Variants in PKD1L1 observed in about 807,000 individuals in gnomAD.
The protein encoded by PKD1L1 is polycystin 1 like 1, transient receptor potential channel interacting.
A neutral mutation model predicts 323.4 loss-of-function variants in PKD1L1; 236 were observed. That is an observed-to-expected ratio of 0.73 (90% CI 0.66 to 0.81). PKD1L1 has a LOEUF of 0.81. Among genes scored for constraint, PKD1L1 ranks in the 40% least tolerant of loss-of-function variants. PKD1L1 has a pLI of 0.00. For synonymous variants in PKD1L1, 1,344 were observed against 1,335.0 expected (o/e 1.01, Z -0.15); for missense variants, 3,320 against 3,508.0 (o/e 0.95, Z 1.35).
At chr7:47,913,101 G>C (rs1425616774) in intron 8 of PKD1L1, among the ~76,000 whole-genome samples, 1 of 152,064 alleles carries the variant, frequency 6.6e-6, no homozygotes, top group Non-Finnish European at 1.5e-5. Flanking sequence ...TTACAGGAGA[G>C]AACAGAATGG....
intron 7 of PKD1L1, among the ~76,000 whole-genome samples, chr7:47,921,536 GATCC>G (rs1422127430): frequency 6.6e-6 from 1 of 152,068 alleles, no homozygotes; most frequent in Non-Finnish European, 1.5e-5. Context: ...ACTGGATATC[GATCC>G]ATTGGAAAAT....
chr7:47,863,607 C>T (rs1037005268), intron 26 of PKD1L1, among the ~76,000 whole-genome samples: 7 of 152,072 alleles, frequency 4.6e-5, no homozygotes, highest in Admixed American at 1.3e-4. Context: ...AGAAGGTCCC[C>T]GGCAGGGAGA....
chr7:47,797,271 G>T (rs1345741415), intron 54 of PKD1L1, among the ~76,000 whole-genome samples: 1 of 152,136 alleles, frequency 6.6e-6, no homozygotes, highest in Non-Finnish European at 1.5e-5. Flanking sequence ...TGGCCCCTAC[G>T]CTGTAAACCT....
Position 47,865,287 on chromosome 7 carries a change from C to T in PKD1L1, c.4093-15G>A, listed in dbSNP as rs1786138598. ...ATCATTTCTTCCTGACCAGAAGAAA[C>T]AACAATAAAACAAAAAGAAAATGCA... On this transcript the variant is annotated splice_polypyrimidine_tract_variant and intron_variant, in intron 25 of 56. Transcript: ENST00000289672. 6.2e-7 allele frequency: 1 copy of T among 1,608,058 alleles called. No individual in the cohort carries two copies. Among genetic ancestry groups the T allele is most frequent in the African/African-American group, 1.3e-5 (1 of 74,634 alleles).
chr7:47,873,668 AAAAG>A (rs1205874278), intron 24 of PKD1L1, among the ~76,000 whole-genome samples: 3 of 145,356 alleles, frequency 2.1e-5, no homozygotes, highest in Non-Finnish European at 3.0e-5. Context: ...AAAAAAAAAA[AAAAG>A]AAGGAGAAGA....
In PKD1L1 at chr7:47,884,648, G is replaced by A; in HGVS notation, c.3215C>T (p.Ala1072Val). Residue 1072 changes from alanine (A) to valine (V), a missense_variant, in exon 19 of 57, where the codon GCC becomes GTC. Physicochemically the swap from Ala to Val is moderately conservative, Grantham distance 64 (BLOSUM62 0). Transcript: ENST00000289672. Reference sequence around the variant, plus strand: ...TGCTTCTTGAATGTCACTGTAATAGGCTTCAAAATCTATAAGAAAGGACAA... The same window carrying A: ...TGCTTCTTGAATGTCACTGTAATAGACTTCAAAATCTATAAGAAAGGACAA... ...SPDPHLSDFE[A>V]YYSDIQEAIP... The A allele has an allele frequency of 2.5e-6, 4 of 1,613,298 alleles. No individual in the cohort carries two copies. The South Asian group carries it at 3.3e-5, about 13-fold the overall frequency.
chr7:47,818,102 G>A (rs1232957734), intron 46 of PKD1L1: 1 of 1,367,812 alleles, frequency 7.3e-7, no homozygotes, highest in Non-Finnish European at 9.8e-7. Flanking sequence ...AGAGCAAATT[G>A]GAGGCCTGCC....
In PKD1L1 at chr7:47,871,639, C is replaced by T. The variant is rs141669539; in HGVS notation, c.3896+2260G>A. 1.1e-3 allele frequency among the ~76,000 whole-genome samples: 174 copies of T among 152,226 alleles called. 2 individuals carry two copies. Among genetic ancestry groups the T allele is most frequent in the African/African-American group, 3.8e-3 (157 of 41,546 alleles). On this transcript the variant is annotated intron_variant, in intron 24 of 56. Coordinates refer to ENST00000289672, the MANE Select transcript of PKD1L1 (RefSeq NM_138295.5). ...TTAGAGAGGACACAAACATCCAAAA[C>T]GTAACAAATTAATGGACTAAGGGAC...
intron 8 of PKD1L1, among the ~76,000 whole-genome samples, chr7:47,911,150 G>A (rs1056036950): frequency 6.6e-6 from 1 of 152,192 alleles, no homozygotes; most frequent in Non-Finnish European, 1.5e-5. Context: ...GAATGGTTTA[G>A]TACCATCCTT....
chr7:47,850,632 CAA>C (rs58437908), intron 31 of PKD1L1, among the ~76,000 whole-genome samples: 2 of 75,792 alleles, frequency 2.6e-5, no homozygotes, highest in Non-Finnish European at 4.8e-5. Flanking sequence ...GACTCTGTCT[CAA>C]AAAAAAAAAA....
chr7:47,912,136 TTGAGGAATCGTTATCTTC>T (rs1787335286), intron 8 of PKD1L1, among the ~76,000 whole-genome samples: 1 of 152,042 alleles, frequency 6.6e-6, no homozygotes, highest in Non-Finnish European at 1.5e-5. Flanking sequence ...ACTGAACAAC[TTGAGGAATCGTTATCTTC>T]TGAGATGGAA....
chr7:47,864,032 C>T (rs1462025767), intron 26 of PKD1L1, among the ~76,000 whole-genome samples: 2 of 151,982 alleles, frequency 1.3e-5, no homozygotes, highest in African/African-American at 4.8e-5. Context: ...TAAGCATGTG[C>T]AGGATCATTC....
rs61610551 is a variant in PKD1L1, at chr7:47,874,805, G to A, written c.3785-795C>T. 8.8e-3 allele frequency among the ~76,000 whole-genome samples: 1,337 copies of A among 152,294 alleles called. 19 individuals are homozygous for A. Among genetic ancestry groups the A allele is most frequent in the African/African-American group, 0.03 (1,249 of 41,540 alleles). ...CTCACTCATGCAAAAGATGGGACAAGAAAAGGTATGTATTAAGTATTTACT... is the reference window on the plus strand; with the variant it reads ...CTCACTCATGCAAAAGATGGGACAAAAAAAGGTATGTATTAAGTATTTACT... On this transcript the variant is annotated intron_variant, in intron 23 of 56. Transcript: ENST00000289672.
At chr7:47,885,560 T>G in intron 18 of PKD1L1, 126 bp downstream of exon 18, 1 of 1,305,346 alleles carries the variant, frequency 7.7e-7, no homozygotes, top group Non-Finnish European at 1.0e-6. Flanking sequence ...GGTGTGAACC[T>G]GGCGCTTTCT....
intron 24 of PKD1L1, among the ~76,000 whole-genome samples, 192 bp from the exon 25 acceptor site, chr7:47,866,806 A>G (rs1246688285): frequency 6.6e-6 from 1 of 152,140 alleles, no homozygotes; most frequent in Non-Finnish European, 1.5e-5. Flanking sequence ...CATAATATAA[A>G]ATTTTACAAA....
At position 47,902,520 on chromosome 7, in the gene PKD1L1, G is replaced by A. The variant is rs1179487766; in HGVS notation, c.1932-9C>T. On this transcript the variant is annotated splice_polypyrimidine_tract_variant and intron_variant, in intron 12 of 56. Coordinates refer to ENST00000289672, the MANE Select transcript of PKD1L1 (RefSeq NM_138295.5). ...CTGTAAATTCTCCTTCCCTGGGACG[G>A]TGGAAAGCACAGAAATGAACAAATT... 6.2e-6 allele frequency: 10 copies of A among 1,613,218 alleles called. No homozygotes were observed. The South Asian group carries it at 9.9e-5, about 16-fold the overall frequency.
chr7:47,943,362 C>T, intron 2 of PKD1L1, 34 bp downstream of exon 2: 3 of 1,511,602 alleles, frequency 2.0e-6, no homozygotes, highest in Non-Finnish European at 2.8e-6. Context: ...ACATTCTTAT[C>T]ATGGTGGCCA....
In PKD1L1 at chr7:47,882,059, C is replaced by T. The variant is rs141636360; in HGVS notation, c.3292G>A (p.Gly1098Arg). Reference sequence around the variant, plus strand: ...CTCTCCTCGGCACTCAAGCTAGGTCCTGATCCTGGAAAGCTGGTGTCCTTA... The same window carrying T: ...CTCTCCTCGGCACTCAAGCTAGGTCTTGATCCTGGAAAGCTGGTGTCCTTA... ...PAKDTSFPGS[G>R]PSLSAEESPG... is the part of the protein sequence containing the mutation. Residue 1098 changes from glycine (G) to arginine (R), a missense_variant, in exon 20 of 57, where the codon GGA (glycine) becomes AGA (arginine). By Grantham distance (125) the Gly-to-Arg change is moderately radical. Coordinates refer to ENST00000289672, the MANE Select transcript of PKD1L1 (RefSeq NM_138295.5). The T allele has an allele frequency of 7.3e-5, 118 of 1,613,414 alleles. No homozygotes were observed. The highest frequency in any genetic ancestry group is 9.2e-5 in the Non-Finnish European group (108 of 1,179,890).
At chr7:47,781,387 GT>G (rs200570381) in intron 56 of PKD1L1, among the ~76,000 whole-genome samples, 6,516 of 121,602 alleles carry the variant, frequency 0.054, 236 homozygotes, top group East Asian at 0.18. Flanking sequence ...AGAACAAAAG[GT>G]TTTTTTTTTT....
Sources: gnomAD v4.1 joint callset for allele counts (sites outside exome capture counted in the v4.1 genomes callset) on GRCh38, gnomAD v4.1.1 for gene constraint, MANE v1.5 for transcripts, NCBI Gene and HGNC (gene_info 2026-07-23, HGNC 2026-07-21) for gene names.